Variants in ARHGEF7 observed in about 807,000 individuals in gnomAD.
ARHGEF7 encodes Rho guanine nucleotide exchange factor 7.
A neutral mutation model predicts 109.8 loss-of-function variants in ARHGEF7; 33 were observed. That is an observed-to-expected ratio of 0.30 (90% CI 0.23 to 0.40). The LOEUF is 0.40. Ranked by LOEUF, ARHGEF7 falls within the 10% of genes least tolerant of loss-of-function variation. The probability of loss-of-function intolerance (pLI) is 1.00; values close to 1 mark genes in which losing one functional copy is unlikely to be tolerated. For synonymous variants in ARHGEF7, 458 were observed against 424.6 expected, an observed-to-expected ratio of 1.08 and a Z score of -0.97; for missense variants, 938 against 1,098.5, an observed-to-expected ratio of 0.85 and a Z score of 2.07.
chr13:111,267,385 G>T (rs959090630), intron 8 of ARHGEF7, among the ~76,000 whole-genome samples, 163 bp from the exon 9 acceptor site: 1 of 151,992 alleles, frequency 6.6e-6, no homozygotes, highest in Non-Finnish European at 1.5e-5. Context: ...CTCCTTGCTA[G>T]ACTCAAGGCA....
At chr13:111,229,232 T>C (rs1180989544) in intron 5 of ARHGEF7, among the ~76,000 whole-genome samples, 31 of 152,186 alleles carry the variant, frequency 2.0e-4, no homozygotes, top group Admixed American at 2.0e-3. Flanking sequence ...TACTTCCAGC[T>C]CACTCCCTGA....
chr13:111,251,358 C>T (rs918626866), intron 8 of ARHGEF7, among the ~76,000 whole-genome samples: 1 of 152,122 alleles, frequency 6.6e-6, no homozygotes, highest in African/African-American at 2.4e-5. Context: ...CCCGGACGGG[C>T]AGGCGAGATC....
At chr13:111,140,888 C>T (rs764329950) in intron 1 of ARHGEF7, among the ~76,000 whole-genome samples, 6 of 151,948 alleles carry the variant, frequency 3.9e-5, no homozygotes, top group African/African-American at 1.2e-4. Context: ...TATGTTGCCC[C>T]GGCTGATCTT....
At chr13:111,130,316 G>A (rs918754823) in intron 1 of ARHGEF7, among the ~76,000 whole-genome samples, 9 of 152,154 alleles carry the variant, frequency 5.9e-5, no homozygotes, top group Non-Finnish European at 1.0e-4. Context: ...AAAGTGCACA[G>A]TTTACATATG....
chr13:111,116,461 C>A (rs2066790458), intron 1 of ARHGEF7: 2 of 150,966 alleles, frequency 1.3e-5, no homozygotes, highest in South Asian at 4.2e-4. Flanking sequence ...TCATCGCCCA[C>A]AAGCCGGCCA....
At chr13:111,288,689 G>A (rs2093133769) in intron 18 of ARHGEF7, among the ~76,000 whole-genome samples, 2 of 152,290 alleles carry the variant, frequency 1.3e-5, no homozygotes, top group South Asian at 4.2e-4. Context: ...ATTATACTAG[G>A]AAATATTTAA....
chr13:111,234,544 C>G (rs1391573517), intron 6 of ARHGEF7, among the ~76,000 whole-genome samples: 1 of 152,132 alleles, frequency 6.6e-6, no homozygotes, highest in Non-Finnish European at 1.5e-5. Flanking sequence ...TCTTTTGTTG[C>G]CTCCATTTTT....
intron 2 of ARHGEF7, among the ~76,000 whole-genome samples, chr13:111,189,919 A>G (rs978215333): frequency 6.6e-6 from 1 of 152,238 alleles, no homozygotes; most frequent in Non-Finnish European, 1.5e-5. Flanking sequence ...CCGACCCAGA[A>G]GCCCAGCTGG....
At chr13:111,198,887 GA>G in intron 2 of ARHGEF7, among the ~76,000 whole-genome samples, 1 of 146,440 alleles carries the variant, frequency 6.8e-6, no homozygotes, top group East Asian at 1.9e-4. Context: ...GCTAGACACA[GA>G]GCTCTGATTG....
intron 6 of ARHGEF7, among the ~76,000 whole-genome samples, 197 bp from the exon 7 acceptor site, chr13:111,243,675 A>G (rs1238467918): frequency 6.6e-6 from 1 of 152,210 alleles, no homozygotes; most frequent in Admixed American, 6.5e-5. Flanking sequence ...AGTCAGTTGT[A>G]TGGCCTTAGT....
At chr13:111,170,479 A>G (rs1044298616) in intron 2 of ARHGEF7, among the ~76,000 whole-genome samples, 5 of 152,096 alleles carry the variant, frequency 3.3e-5, no homozygotes, top group Non-Finnish European at 4.4e-5. Flanking sequence ...TTCTTACTGG[A>G]ATTTCTTCTT....
chr13:111,133,231 T>A (rs1278564363), intron 1 of ARHGEF7, among the ~76,000 whole-genome samples: 1 of 152,066 alleles, frequency 6.6e-6, no homozygotes, highest in Non-Finnish European at 1.5e-5. Flanking sequence ...GTGCATTATA[T>A]AATGCACACA....
chr13:111,227,168 A>G lies in ARHGEF7; in HGVS notation c.671-6037A>G, dbSNP rs141097304. Among the ~76,000 whole-genome samples the G allele has an allele frequency of 2.2e-3, 328 of 152,368 alleles. 3 individuals are homozygous for G. Among genetic ancestry groups the G allele is most frequent in the Admixed American group, 7.4e-3 (113 of 15,302 alleles). ...CTACCCTTGCTGAAGTGCCGTGAAC[A>G]TTGTTGAAATAACAAAAGATTTAGA... On this transcript the variant is annotated intron_variant, in intron 5 of 21. Transcript: ENST00000646102.
At chr13:111,133,176 C>A (rs532191192) in intron 1 of ARHGEF7, among the ~76,000 whole-genome samples, 8 of 151,910 alleles carry the variant, frequency 5.3e-5, no homozygotes, top group African/African-American at 1.7e-4. Flanking sequence ...TATATATGTG[C>A]ACGTGTATGT....
At chr13:111,176,062 A>G (rs1251471590) in intron 2 of ARHGEF7, among the ~76,000 whole-genome samples, 1 of 152,256 alleles carries the variant, frequency 6.6e-6, no homozygotes, top group African/African-American at 2.4e-5. Context: ...CATGACACGC[A>G]GGGTTTCTGG....
At chr13:111,292,453 G>T in intron 19 of ARHGEF7, 159 bp downstream of exon 19, 2 of 1,450,168 alleles carry the variant, frequency 1.4e-6, no homozygotes, top group Non-Finnish European at 1.8e-6. Context: ...GAGTGTTCCT[G>T]ATATTTCCCA....
At chr13:111,230,388 G>A (rs1157939617) in intron 5 of ARHGEF7, among the ~76,000 whole-genome samples, 1 of 152,164 alleles carries the variant, frequency 6.6e-6, no homozygotes, top group Non-Finnish European at 1.5e-5. Context: ...ACGAATGGCC[G>A]TAATTTAGCC....
intron 6 of ARHGEF7, 151 bp downstream of exon 6, chr13:111,233,444 G>T (rs2086379612): frequency 4.6e-6 from 3 of 657,328 alleles, no homozygotes; most frequent in South Asian, 3.7e-5. Flanking sequence ...TTAAGGTTTT[G>T]GTCTGTTTCC....
intron 8 of ARHGEF7, chr13:111,265,569 C>T (rs1017003713): frequency 1.8e-5 from 8 of 456,598 alleles, no homozygotes; most frequent in African/African-American, 8.0e-5. Flanking sequence ...CCGGGAAGTC[C>T]GGGGTCTGAG....
Sources: gnomAD v4.1 joint callset for allele counts (sites outside exome capture counted in the v4.1 genomes callset) on GRCh38, gnomAD v4.1.1 for gene constraint, MANE v1.5 for transcripts, NCBI Gene and HGNC (gene_info 2026-07-23, HGNC 2026-07-21) for gene names.